CCDC171: variants seen among roughly 807,000 people sequenced by gnomAD.
CCDC171 encodes coiled-coil domain containing 171, also known as coiled-coil domain-containing protein 171.
Under a neutral mutation model 168.2 loss-of-function variants are expected in CCDC171, and 177 were observed. The observed-to-expected ratio is 1.05, with a 90% CI of 0.93 to 1.19. CCDC171 has a LOEUF of 1.19. Ranked by LOEUF, CCDC171 falls within the 50% of genes most tolerant of loss-of-function variation. CCDC171 has a pLI of 0.00. For missense variants in CCDC171, 1,991 were observed against 1,539.0 expected (o/e 1.29, Z -4.91); for synonymous variants, 687 against 540.8 (o/e 1.27, Z -3.75).
chr9:16,059,093 C>G (rs1337872123), intron 1 of CCDC171, among the ~76,000 whole-genome samples: 1 of 152,186 alleles, frequency 6.6e-6, no homozygotes, highest in Non-Finnish European at 1.5e-5. Context: ...AGAAATGCTT[C>G]CAGAACCAAG....
chr9:16,004,364 C>T (rs1397965230), intron 3 of CCDC171, among the ~76,000 whole-genome samples: 1 of 152,134 alleles, frequency 6.6e-6, no homozygotes, highest in Non-Finnish European at 1.5e-5. Flanking sequence ...TTTTGACTTA[C>T]ATGCTCTTGA....
intron 6 of CCDC171, among the ~76,000 whole-genome samples, chr9:16,023,704 T>C (rs537806276): frequency 3.3e-5 from 5 of 151,616 alleles, no homozygotes; most frequent in Admixed American, 3.3e-4. Flanking sequence ...CTTATTCAAC[T>C]TTTTTTTTGC....
rs558004120 is a variant in CCDC171 at position 15,689,721 on chromosome 9, T to C, written c.1216-5514T>C. Among the ~76,000 whole-genome samples, 143 of 152,026 alleles carry C rather than the reference T, an allele frequency of 9.4e-4. 2 individuals carry two copies. The South Asian group carries it at 0.027, about 29-fold the overall frequency. On this transcript the variant is annotated intron_variant, in intron 10 of 25. Transcript: ENST00000380701. ...GTAAGACTCAGTCTCAAAAGAAATATAAGGGACTATGAATAGCCAAAATAA... is the reference window on the plus strand; with the variant it reads ...GTAAGACTCAGTCTCAAAAGAAATACAAGGGACTATGAATAGCCAAAATAA...
intron 24 of CCDC171, among the ~76,000 whole-genome samples, chr9:15,895,809 G>A (rs973450776): frequency 6.6e-6 from 1 of 151,936 alleles, no homozygotes; most frequent in African/African-American, 2.4e-5. Flanking sequence ...TGGCAATTCT[G>A]TAATTTACCA....
At chr9:15,893,314 C>G (rs951468390) in intron 24 of CCDC171, among the ~76,000 whole-genome samples, 3 of 151,898 alleles carry the variant, frequency 2.0e-5, no homozygotes, top group Admixed American at 1.3e-4. Flanking sequence ...AATGTAAAAC[C>G]CAAAACTATA....
intron 6 of CCDC171, among the ~76,000 whole-genome samples, chr9:16,031,695 G>C (rs1351771920): frequency 6.6e-6 from 1 of 152,196 alleles, no homozygotes; most frequent in Non-Finnish European, 1.5e-5. Context: ...CCAGCTGCAA[G>C]AGGTACACTG....
At chr9:15,865,192 TG>T (rs2061723687) in intron 23 of CCDC171, among the ~76,000 whole-genome samples, 1 of 152,084 alleles carries the variant, frequency 6.6e-6, no homozygotes, top group Non-Finnish European at 1.5e-5. Flanking sequence ...TTTTTGGATT[TG>T]CTTCTTCAGA....
chr9:15,873,246 G>A (rs919334322), intron 23 of CCDC171, among the ~76,000 whole-genome samples: 1 of 152,038 alleles, frequency 6.6e-6, no homozygotes, highest in East Asian at 1.9e-4. Context: ...TGAAATGTGT[G>A]TATATCCTAA....
chr9:15,751,331 G>A (rs973758641), intron 18 of CCDC171, among the ~76,000 whole-genome samples: 6 of 152,146 alleles, frequency 3.9e-5, no homozygotes, highest in Non-Finnish European at 8.8e-5. Flanking sequence ...AATCAATATC[G>A]TGAAAATGGC....
intron 7 of CCDC171, among the ~76,000 whole-genome samples, chr9:15,634,328 T>C (rs4740619): frequency 0.48 from 73,359 of 151,844 alleles, 18,139 homozygotes; most frequent in East Asian, 0.76. Flanking sequence ...AGGTCTTTTC[T>C]CTGTATTTCT....
the CCDC171 span, among the ~76,000 whole-genome samples, chr9:16,088,744 C>T: frequency 6.6e-6 from 1 of 152,196 alleles, no homozygotes; most frequent in African/African-American, 2.4e-5. Flanking sequence ...ATTCCATGCT[C>T]ATGGATAGGA....
intron 21 of CCDC171, among the ~76,000 whole-genome samples, chr9:15,793,101 T>C (rs2058354510): frequency 6.6e-6 from 1 of 151,964 alleles, no homozygotes; most frequent in African/African-American, 2.4e-5. Context: ...GAGACACACA[T>C]AGGCTCAAAA....
intron 3 of CCDC171, among the ~76,000 whole-genome samples, chr9:16,018,876 G>A (rs967127355): frequency 6.6e-6 from 1 of 152,214 alleles, no homozygotes; most frequent in African/African-American, 2.4e-5. Context: ...GAAGCCATCA[G>A]TCAGGCCCAC....
In CCDC171 at chr9:15,915,545, A is replaced by C. The variant is rs576246516; in HGVS notation, c.3601-4725A>C. Among the ~76,000 whole-genome samples, 272 of 152,282 alleles carry C rather than the reference A, an allele frequency of 1.8e-3. 2 individuals are homozygous for C. The highest frequency in any genetic ancestry group is 5.7e-3 in the African/African-American group (238 of 41,568). ...TCTTTAGGATTTTCTGGATAGAAGA[A>C]TATATCATCAGCGAGCAGGGATAAT... On this transcript the variant is annotated intron_variant, in intron 24 of 25. Transcript: ENST00000380701.
intron 3 of CCDC171, among the ~76,000 whole-genome samples, chr9:16,008,068 G>C (rs1832758587): frequency 6.6e-6 from 1 of 152,086 alleles, no homozygotes; most frequent in South Asian, 2.1e-4. Flanking sequence ...AAGCACAAAA[G>C]TTTTCAACTT....
intron 24 of CCDC171, among the ~76,000 whole-genome samples, chr9:15,878,849 G>A (rs1289817811): frequency 6.6e-6 from 1 of 152,058 alleles, no homozygotes; most frequent in Non-Finnish European, 1.5e-5. Flanking sequence ...AGCTGGAGGC[G>A]ATCATCCTCA....
At chr9:15,751,942 C>A (rs1182861216) in intron 18 of CCDC171, among the ~76,000 whole-genome samples, 2 of 152,120 alleles carry the variant, frequency 1.3e-5, no homozygotes, top group Non-Finnish European at 2.9e-5. Context: ...TTCTGCACAG[C>A]AGAAGAAACT....
chr9:15,758,743 C>T (rs1172177619), intron 18 of CCDC171, among the ~76,000 whole-genome samples: 2 of 152,118 alleles, frequency 1.3e-5, no homozygotes, highest in African/African-American at 4.8e-5. Flanking sequence ...TAGTTTCCCT[C>T]TTACTGTTCT....
intron 16 of CCDC171, among the ~76,000 whole-genome samples, 154 bp downstream of exon 16, chr9:15,729,952 C>T (rs1037253471): frequency 2.6e-5 from 4 of 151,824 alleles, no homozygotes. Context: ...TAGATACACA[C>T]ACATACGTGT....
Sources: allele counts gnomAD v4.1 joint callset (sites outside exome capture counted in the v4.1 genomes callset), GRCh38; gene constraint gnomAD v4.1.1; transcripts MANE v1.5; gene names NCBI Gene and HGNC (gene_info 2026-07-23, HGNC 2026-07-21).